Variants in XYLB observed in about 807,000 individuals in gnomAD.
The protein encoded by XYLB is xylulose kinase.
A neutral mutation model predicts 78.7 loss-of-function variants in XYLB; 62 were observed. That is an observed-to-expected ratio of 0.79 (90% CI 0.64 to 0.97). XYLB has a LOEUF of 0.97. Among genes scored for constraint, XYLB ranks in the 50% least tolerant of loss-of-function variants. The pLI is 0.00. For missense variants in XYLB, 687 were observed against 676.8 expected (o/e 1.02, Z -0.17); for synonymous variants, 245 against 247.4 (o/e 0.99, Z 0.09).
intron 15 of XYLB, among the ~76,000 whole-genome samples, chr3:38,394,774 T>C (rs930470581): frequency 6.6e-6 from 1 of 152,242 alleles, no homozygotes; most frequent in South Asian, 2.1e-4. Context: ...CAATGTCATC[T>C]GGGGCTGCAG....
intron 3 of XYLB, among the ~76,000 whole-genome samples, chr3:38,360,891 C>T (rs969848704): frequency 7.9e-5 from 12 of 152,090 alleles, no homozygotes; most frequent in Admixed American, 3.9e-4. Context: ...AAAAATTAGC[C>T]GGGCGTGGTG....
chr3:38,368,333 A>C, intron 8 of XYLB, 76 bp downstream of exon 8: 1 of 1,363,216 alleles, frequency 7.3e-7, no homozygotes, highest in Non-Finnish European at 1.0e-6. Flanking sequence ...TGGGAGCCCC[A>C]CCTACCCCGA....
At chr3:38,423,126 G>T (rs1295444119), downstream of XYLB, among the ~76,000 whole-genome samples, 1 of 152,112 alleles carries the variant, frequency 6.6e-6, no homozygotes, top group South Asian at 2.1e-4. Flanking sequence ...AGGCTGGAGT[G>T]CAGTGGTGCG....
intron 15 of XYLB, among the ~76,000 whole-genome samples, chr3:38,379,781 G>A (rs1319727992): frequency 5.3e-5 from 8 of 152,192 alleles, no homozygotes; most frequent in Non-Finnish European, 1.0e-4. Flanking sequence ...CTTGGACAGG[G>A]AAGAGGGGGA....
At chr3:38,425,535 C>T (rs1024764811), downstream of XYLB, among the ~76,000 whole-genome samples, 5 of 152,162 alleles carry the variant, frequency 3.3e-5, no homozygotes, top group African/African-American at 7.2e-5. Context: ...GCCTAAAGGC[C>T]GGATGCTACC....
intron 8 of XYLB, among the ~76,000 whole-genome samples, chr3:38,368,520 C>T (rs9831851): frequency 2.0e-3 from 303 of 152,276 alleles, no homozygotes; most frequent in African/African-American, 7.0e-3. Flanking sequence ...GGTACTGGTT[C>T]GGGATCTCCC....
intron 2 of XYLB, among the ~76,000 whole-genome samples, chr3:38,354,755 C>T (rs953206556): frequency 1.3e-5 from 2 of 152,022 alleles, no homozygotes; most frequent in South Asian, 4.1e-4. Flanking sequence ...CCACCCACCT[C>T]GGCCTCCCAG....
chr3:38,432,901 A>G, the XYLB span, among the ~76,000 whole-genome samples: 3 of 152,094 alleles, frequency 2.0e-5, no homozygotes, highest in Non-Finnish European at 4.4e-5. Context: ...CAGTGAATCT[A>G]CCACTCTGGG....
chr3:38,364,245 G>T (rs764790478), intron 4 of XYLB, among the ~76,000 whole-genome samples: 22 of 151,896 alleles, frequency 1.4e-4, no homozygotes, highest in Middle Eastern at 6.8e-3. Context: ...CCACATCCAA[G>T]GGTCCTCACG....
chr3:38,379,216 T>G (rs766260132), intron 14 of XYLB, 30 bp from the exon 15 acceptor site: 39 of 1,609,496 alleles, frequency 2.4e-5, no homozygotes, highest in Non-Finnish European at 2.8e-5. Context: ...GAGAGTTCCT[T>G]ACTCTGTGCC....
chr3:38,419,884 A>G (rs1221121548), downstream of XYLB, among the ~76,000 whole-genome samples: 1 of 151,942 alleles, frequency 6.6e-6, no homozygotes, highest in Non-Finnish European at 1.5e-5. Context: ...CAGTGGCACC[A>G]TCTCGGCTCA....
downstream of XYLB, among the ~76,000 whole-genome samples, chr3:38,417,420 G>A (rs1293773972): frequency 6.6e-6 from 1 of 152,144 alleles, no homozygotes; most frequent in Non-Finnish European, 1.5e-5. Flanking sequence ...AAATAATTGT[G>A]AGTGAGGCTT....
At chr3:38,368,054 T>C in intron 7 of XYLB, 131 bp from the exon 8 acceptor site, 2 of 788,754 alleles carry the variant, frequency 2.5e-6, no homozygotes, top group Admixed American at 1.9e-5. Context: ...TCTCCACCAT[T>C]ACTTGGGCCT....
chr3:38,406,125 G>A (rs1458461811), intron 18 of XYLB, among the ~76,000 whole-genome samples: 3 of 152,220 alleles, frequency 2.0e-5, no homozygotes, highest in Non-Finnish European at 4.4e-5. Context: ...AGCCTACCTG[G>A]GAGGCACCCC....
the XYLB span, among the ~76,000 whole-genome samples, chr3:38,430,336 G>A: frequency 6.6e-6 from 1 of 152,174 alleles, no homozygotes; most frequent in Admixed American, 6.5e-5. Context: ...TGGGTCTGTT[G>A]GCTGCATAAA....
chr3:38,435,800 A>G, the XYLB span, among the ~76,000 whole-genome samples: 8,227 of 152,282 alleles, frequency 0.054, 400 homozygotes, highest in East Asian at 0.19. Flanking sequence ...AACTTTGGAA[A>G]CTATAGAAAT....
intron 15 of XYLB, among the ~76,000 whole-genome samples, chr3:38,385,858 C>G (rs762311131): frequency 1.8e-4 from 28 of 152,138 alleles, no homozygotes; most frequent in Admixed American, 5.2e-4. Flanking sequence ...TGATGCTGTT[C>G]CCAGCCCCTT....
At chr3:38,422,485 A>C (rs1709009160), downstream of XYLB, among the ~76,000 whole-genome samples, 1 of 152,198 alleles carries the variant, frequency 6.6e-6, no homozygotes, top group African/African-American at 2.4e-5. Flanking sequence ...AAGGGTTGGG[A>C]GATACAGGAG....
chr3:38,380,298 G>GA, intron 15 of XYLB, among the ~76,000 whole-genome samples: 1 of 152,196 alleles, frequency 6.6e-6, no homozygotes, highest in Non-Finnish European at 1.5e-5. Flanking sequence ...AAAAGGAGGA[G>GA]AAAGGGATTT....
Sources: gnomAD v4.1 joint callset for allele counts (sites outside exome capture counted in the v4.1 genomes callset) on GRCh38, gnomAD v4.1.1 for gene constraint, MANE v1.5 for transcripts, NCBI Gene and HGNC (gene_info 2026-07-23, HGNC 2026-07-21) for gene names.